Variants in KDM2B observed in about 807,000 individuals in gnomAD.
The protein encoded by KDM2B is lysine-specific demethylase 2B.
A neutral mutation model predicts 150.0 loss-of-function variants in KDM2B; 26 were observed. The ratio of observed to expected loss-of-function variants is 0.17; its 90% confidence interval spans 0.13 to 0.24. The LOEUF is 0.24. Ranked by LOEUF, KDM2B falls within the 10% of genes least tolerant of loss-of-function variation. KDM2B has a pLI of 1.00. For missense variants in KDM2B, 1,265 were observed against 1,816.9 expected (o/e 0.70, Z 5.52); for synonymous variants, 734 against 729.5 (o/e 1.01, Z -0.10).
intron 2 of KDM2B, among the ~76,000 whole-genome samples, chr12:121,577,146 A>C (rs1342950340): frequency 6.6e-6 from 1 of 152,172 alleles, no homozygotes; most frequent in Non-Finnish European, 1.5e-5. Context: ...CTTTGAAAGA[A>C]GCCGGGAGAG....
intron 2 of KDM2B, among the ~76,000 whole-genome samples, chr12:121,577,692 GT>G (rs1891597130): frequency 6.6e-6 from 1 of 152,210 alleles, no homozygotes; most frequent in Non-Finnish European, 1.5e-5. Context: ...TCCAAGGGGC[GT>G]GGGGGGAACA....
intron 8 of KDM2B, chr12:121,524,715 G>A (rs1244996383): frequency 2.2e-6 from 1 of 454,108 alleles, no homozygotes; most frequent in Non-Finnish European, 4.4e-6. Context: ...GGAAGCATGA[G>A]AGCCGGTGCT....
chr12:121,483,519 T>A (rs2140099475), intron 12 of KDM2B, among the ~76,000 whole-genome samples: 1 of 151,334 alleles, frequency 6.6e-6, no homozygotes, highest in Middle Eastern at 3.4e-3. Flanking sequence ...CTAAAAAAAA[T>A]ACGAAAATTT....
downstream of KDM2B, among the ~76,000 whole-genome samples, chr12:121,426,109 G>C (rs1166248221): frequency 6.6e-6 from 1 of 152,092 alleles, no homozygotes; most frequent in East Asian, 1.9e-4. Flanking sequence ...TTTAAATCCA[G>C]GCCATAGAAG....
rs1875307287 is a variant in KDM2B, at chr12:121,442,509, C to T, written c.2932G>A (p.Glu978Lys). 1 of 1,599,474 alleles carries T rather than the reference C, an allele frequency of 6.3e-7. No individual in the cohort carries two copies. The change falls in exon 19 of 23, where the codon GAG (glutamate) becomes AAG (lysine). Residue 978 changes from glutamate (E) to lysine (K), a missense_variant. Around this residue, in one of 11 missense-constraint regions of KDM2B, gnomAD observed 418 missense variants for 402.4 expected, o/e 1.04. Transcript: ENST00000377071. This position sits in a 1 kb window ranked among gnomAD's most constrained non-coding sequence, Gnocchi z 7.7. The part of the protein sequence containing the change: ...ENQQPIKSEP[E>K]SEGEEPKRPP... ...CGCTTGGGCTCCTCGCCCTCGCTCT[C>T]AGGCTCCGACTTGATGGGCTGCTGG...
At chr12:121,451,394 C>T (rs1877256634) in intron 13 of KDM2B, among the ~76,000 whole-genome samples, 1 of 152,072 alleles carries the variant, frequency 6.6e-6, no homozygotes. Context: ...ATAGGGCTAA[C>T]AGTAGTTAAG....
chr12:121,554,112 C>T (rs868922976), intron 4 of KDM2B, among the ~76,000 whole-genome samples: 2 of 148,256 alleles, frequency 1.3e-5, no homozygotes, highest in Non-Finnish European at 1.5e-5. Context: ...TGACCCACAC[C>T]GGTGGTCCCA....
chr12:121,565,917 G>A (rs1291901627), intron 4 of KDM2B, among the ~76,000 whole-genome samples: 7 of 151,318 alleles, frequency 4.6e-5, no homozygotes, highest in Admixed American at 2.6e-4. Flanking sequence ...GTGAGCCACC[G>A]TGCCCGGCCC....
At chr12:121,419,564 G>A in the KDM2B span, among the ~76,000 whole-genome samples, 1 of 118,326 alleles carries the variant, frequency 8.5e-6, no homozygotes, top group Non-Finnish European at 1.8e-5. Flanking sequence ...CTACAGTATG[G>A]TGCCTGGCAA....
chr12:121,457,735 A>AACAC (rs1215362738), intron 12 of KDM2B, among the ~76,000 whole-genome samples: 2 of 113,028 alleles, frequency 1.8e-5, no homozygotes, highest in East Asian at 2.4e-4. Context: ...GAAGATCGGA[A>AACAC]ACATACACAC....
intron 12 of KDM2B, among the ~76,000 whole-genome samples, chr12:121,462,102 C>T (rs115045062): frequency 0.031 from 4,738 of 152,312 alleles, 232 homozygotes; most frequent in African/African-American, 0.11. Flanking sequence ...ACGGACAGCC[C>T]CACAAGGGAA....
intron 22 of KDM2B, among the ~76,000 whole-genome samples, chr12:121,438,863 T>G (rs1358003770): frequency 6.6e-6 from 1 of 151,734 alleles, no homozygotes; most frequent in African/African-American, 2.4e-5. Flanking sequence ...TTTCTTTTTC[T>G]CTTTCTTTTT....
At chr12:121,530,464 G>T (rs1446347715) in intron 8 of KDM2B, among the ~76,000 whole-genome samples, 1 of 151,820 alleles carries the variant, frequency 6.6e-6, no homozygotes, top group Non-Finnish European at 1.5e-5. Flanking sequence ...CTGTTCCTAA[G>T]TTTTTTTTCA....
intron 12 of KDM2B, among the ~76,000 whole-genome samples, chr12:121,487,277 G>A (rs1227076824): frequency 6.6e-6 from 1 of 152,180 alleles, no homozygotes; most frequent in African/African-American, 2.4e-5. Flanking sequence ...TTATTTAGAA[G>A]CAGCAGAACA....
At chr12:121,573,285 CTTT>C (rs34937823) in intron 4 of KDM2B, among the ~76,000 whole-genome samples, 9 of 142,012 alleles carry the variant, frequency 6.3e-5, no homozygotes, top group Non-Finnish European at 6.2e-5. Context: ...ACACTGTTTA[CTTT>C]TTTTTTTTTT....
At chr12:121,491,836 A>C (rs1883398823) in intron 12 of KDM2B, among the ~76,000 whole-genome samples, 1 of 151,592 alleles carries the variant, frequency 6.6e-6, no homozygotes, top group African/African-American at 2.4e-5. Flanking sequence ...AGATAATCAA[A>C]GAATTATGCA....
chr12:121,475,824 T>C (rs2139811455), intron 12 of KDM2B, among the ~76,000 whole-genome samples: 1 of 152,018 alleles, frequency 6.6e-6, no homozygotes, highest in East Asian at 1.9e-4. Context: ...GATGTTATTT[T>C]CTCTCCAAGA....
In KDM2B at chr12:121,440,619, G is replaced by A. The variant is rs568383301; in HGVS notation, c.3610+197C>T. 26 of 565,814 alleles carry A rather than the reference G, an allele frequency of 4.6e-5. No individual in the cohort carries two copies. In the African/African-American group the frequency reaches 4.7e-4, roughly 10 times the overall value. 35.0% of individuals were successfully genotyped at this position (565,814 alleles called of 1,614,324 possible). A position where few individuals can be genotyped will look rare whatever the true frequency, so the allele number is the denominator to read the frequency against. Reference sequence around the variant, plus strand: ...GCAGAGAGACGCACGCGGAGCCCCAGGAGCGAGTCTCACGTGTGCACAGGA... The same window carrying A: ...GCAGAGAGACGCACGCGGAGCCCCAAGAGCGAGTCTCACGTGTGCACAGGA... On this transcript the variant is annotated intron_variant, in intron 21 of 22. Coordinates refer to ENST00000377071, the MANE Select transcript of KDM2B (RefSeq NM_032590.5).
intron 4 of KDM2B, among the ~76,000 whole-genome samples, chr12:121,564,430 C>T (rs1555314459): frequency 6.6e-6 from 1 of 151,850 alleles, no homozygotes; most frequent in East Asian, 1.9e-4. Context: ...TGCACTTCAG[C>T]CTGGGCAACA....
Sources: allele counts gnomAD v4.1 joint callset (sites outside exome capture counted in the v4.1 genomes callset), GRCh38; gene constraint gnomAD v4.1.1; regional missense constraint gnomAD v4.1.1; non-coding constraint Gnocchi (gnomAD v3.1); transcripts MANE v1.5; gene names NCBI Gene and HGNC (gene_info 2026-07-23, HGNC 2026-07-21).